DLD: variants seen among roughly 807,000 people sequenced by gnomAD.
The protein encoded by DLD is dihydrolipoyl dehydrogenase, mitochondrial.
A neutral mutation model predicts 62.2 loss-of-function variants in DLD; 36 were observed. The observed-to-expected ratio is 0.58, with a 90% CI of 0.44 to 0.76. The LOEUF is 0.76. DLD is among the 30% of genes least tolerant of loss of function. The probability of loss-of-function intolerance (pLI) is 0.00; values close to 1 mark genes in which losing one functional copy is unlikely to be tolerated. For missense variants in DLD, 541 were observed against 608.6 expected (o/e 0.89, Z 1.17); for synonymous variants, 204 against 199.6 (o/e 1.02, Z -0.19).
intron 8 of DLD, among the ~76,000 whole-genome samples, chr7:107,908,879 G>T (rs1029879082): frequency 2.6e-5 from 4 of 152,082 alleles, no homozygotes; most frequent in Admixed American, 6.5e-5. Flanking sequence ...AGGCAGGACC[G>T]AATTTTTAAT....
intron 5 of DLD, 144 bp from the exon 6 acceptor site, chr7:107,904,814 A>G (rs775686144): frequency 5.8e-6 from 4 of 695,574 alleles, no homozygotes; most frequent in Non-Finnish European, 5.2e-6. Flanking sequence ...TTTGTCAACT[A>G]TAATTATAAG....
intron 2 of DLD, among the ~76,000 whole-genome samples, chr7:107,895,677 T>C (rs1474895873): frequency 2.0e-5 from 3 of 152,212 alleles, no homozygotes. Flanking sequence ...AACATATAAT[T>C]GTGACAGGGG....
intron 1 of DLD, among the ~76,000 whole-genome samples, chr7:107,891,994 C>G (rs1161367888): frequency 6.6e-6 from 1 of 152,170 alleles, no homozygotes; most frequent in Non-Finnish European, 1.5e-5. Context: ...CGATCAAACC[C>G]TTTTGTTTCA....
Position 107,896,660 on chromosome 7 carries a change from T to C in DLD, c.118+3382T>C, listed in dbSNP as rs141257999. On this transcript the variant is annotated intron_variant, in intron 2 of 13. Coordinates refer to ENST00000205402, the MANE Select transcript of DLD (RefSeq NM_000108.5). ...ATGGGAGGAGGTTACTGAAAAAGAC[T>C]GGATATTAAGGCCATTGACAATGTA... Among the ~76,000 whole-genome samples the C allele has an allele frequency of 7.6e-4, 115 of 152,286 alleles. 1 individual carries two copies. In the East Asian group the frequency reaches 0.021, roughly 28 times the overall value.
Position 107,917,366 on chromosome 7 carries a change from T to TG in DLD, c.1141dup (p.Ala381GlyfsTer5). 1 of 1,614,170 alleles carries TG rather than the reference T, an allele frequency of 6.2e-7. No homozygotes were observed. Among genetic ancestry groups the TG allele is most frequent in the Non-Finnish European group, 8.5e-7 (1 of 1,180,022 alleles). On this transcript the variant is annotated frameshift_variant, in exon 11 of 14. Transcript: ENST00000205402. LOFTEE classifies it high-confidence loss of function. ...TCTGTGTTGAAGGAATGGCTGGTGG[T>TG]GCTGTGCACATTGACTACAATTGTG...
At position 107,893,283 on chromosome 7, in the gene DLD, G is replaced by T. The variant is rs2031636845; in HGVS notation, c.118+5G>T. 1 of 1,608,614 alleles carries T rather than the reference G, an allele frequency of 6.2e-7. No homozygotes were observed. The highest frequency in any genetic ancestry group is 8.5e-7 in the Non-Finnish European group (1 of 1,176,916). ...GAACTTACGCAGATCAGCCGAGTAA[G>T]TACTTAAGTAAAACATTTTTTTCAT... On this transcript the variant is annotated splice_donor_5th_base_variant and intron_variant, in intron 2 of 13. Transcript: ENST00000205402.
intron 2 of DLD, among the ~76,000 whole-genome samples, chr7:107,896,495 AC>A (rs2031728877): frequency 6.6e-6 from 1 of 152,176 alleles, no homozygotes; most frequent in South Asian, 2.1e-4. Flanking sequence ...AGAGTTTGGA[AC>A]CCAGGTCTGT....
rs763696151 is a variant in DLD at position 107,915,700 on chromosome 7, A to G, written c.875+4A>G. 6.2e-7 allele frequency: 1 copy of G among 1,612,700 alleles called. No homozygotes were observed. Among genetic ancestry groups the G allele is most frequent in the Non-Finnish European group, 8.5e-7 (1 of 1,179,098 alleles). On this transcript the variant is annotated splice_donor_region_variant and intron_variant, in intron 9 of 13. Transcript: ENST00000205402. The stretch of plus-strand genomic sequence containing the variant: ...CAGATGGAAAAATTGATGTTTCGTA[A>G]GTATACATCATTTGTTTTTGATGTA...
At chr7:107,892,670 C>G (rs760101974) in intron 1 of DLD, among the ~76,000 whole-genome samples, 1 of 152,080 alleles carries the variant, frequency 6.6e-6, no homozygotes, top group Non-Finnish European at 1.5e-5. Context: ...CTTGGCCTCC[C>G]GAGTAGCTGG....
intron 2 of DLD, 44 bp downstream of exon 2, chr7:107,893,322 A>T: frequency 7.0e-7 from 1 of 1,419,502 alleles, no homozygotes; most frequent in African/African-American, 1.4e-5. Flanking sequence ...ATTAGCTGAC[A>T]GTTCCTTTCT....
intron 7 of DLD, chr7:107,905,849 C>G (rs2031992837): frequency 3.8e-5 from 13 of 344,398 alleles, no homozygotes; most frequent in South Asian, 3.2e-4. Context: ...TTTAGTGATT[C>G]TACTGAGATC....
At position 107,899,665 on chromosome 7, in the gene DLD, G is replaced by C. The variant is rs77877474; in HGVS notation, c.119-2073G>C. Among the ~76,000 whole-genome samples the C allele has an allele frequency of 9.1e-3, 1,383 of 152,122 alleles. 18 individuals are homozygous for C. The highest frequency in any genetic ancestry group is 0.032 in the African/African-American group (1,314 of 41,524). Reference sequence around the variant, plus strand: ...AGTAATATATGTTATAAATATATATGCTCATGTAAGAGTGAGAAAAGAATA... The same window carrying C: ...AGTAATATATGTTATAAATATATATCCTCATGTAAGAGTGAGAAAAGAATA... On this transcript the variant is annotated intron_variant, in intron 2 of 13. Coordinates refer to ENST00000205402, the MANE Select transcript of DLD (RefSeq NM_000108.5).
chr7:107,908,391 C>G (rs114291723), intron 8 of DLD, among the ~76,000 whole-genome samples: 1 of 151,686 alleles, frequency 6.6e-6, no homozygotes, highest in African/African-American at 2.4e-5. Flanking sequence ...CCTTGTGATG[C>G]GCATGATGGT....
chr7:107,898,732 A>G (rs2031800111), intron 2 of DLD, among the ~76,000 whole-genome samples: 1 of 151,742 alleles, frequency 6.6e-6, no homozygotes, highest in African/African-American at 2.4e-5. Flanking sequence ...CTGGGACTAC[A>G]GGTGCCTGCC....
chr7:107,903,674 C>A, intron 5 of DLD, 127 bp downstream of exon 5: 4 of 571,872 alleles, frequency 7.0e-6, no homozygotes. Flanking sequence ...AATAAATAAT[C>A]TAAAAAATGT....
At chr7:107,898,008 G>T (rs2031773097) in intron 2 of DLD, among the ~76,000 whole-genome samples, 1 of 152,044 alleles carries the variant, frequency 6.6e-6, no homozygotes, top group African/African-American at 2.4e-5. Flanking sequence ...AATTTGTAGA[G>T]TACTTTTCTT....
chr7:107,891,669 A>G, intron 1 of DLD: 2 of 357,558 alleles, frequency 5.6e-6, no homozygotes, highest in Admixed American at 4.2e-5. Context: ...CCTTTTTCTC[A>G]TCCTAATTCT....
intron 7 of DLD, 142 bp downstream of exon 7, chr7:107,905,646 C>A: frequency 2.3e-6 from 2 of 886,930 alleles, no homozygotes; most frequent in Non-Finnish European, 3.6e-6. Context: ...GGGAAGTTAC[C>A]TGTCTTTATT....
At chr7:107,916,586 C>T (rs2032274394) in intron 9 of DLD, among the ~76,000 whole-genome samples, 1 of 151,936 alleles carries the variant, frequency 6.6e-6, no homozygotes, top group Non-Finnish European at 1.5e-5. Context: ...GCAGGAGAAT[C>T]TCTGGAACCT....
Sources: gnomAD v4.1 joint callset for allele counts (sites outside exome capture counted in the v4.1 genomes callset) on GRCh38, gnomAD v4.1.1 for gene constraint, MANE v1.5 for transcripts, NCBI Gene and HGNC (gene_info 2026-07-23, HGNC 2026-07-21) for gene names.